MPP7: variants seen among roughly 807,000 people sequenced by gnomAD.
MPP7 encodes the protein MAGUK p55 subfamily member 7.
In MPP7, 60 loss-of-function variants were observed where a neutral mutation model predicts 76.5. That is an observed-to-expected ratio of 0.78 (90% confidence interval 0.64 to 0.97). The LOEUF is 0.97. Ranked by LOEUF, MPP7 falls within the 50% of genes least tolerant of loss-of-function variation. The pLI is 0.00. For missense variants in MPP7, 641 were observed against 694.0 expected, an observed-to-expected ratio of 0.92 and a Z score of 0.86; for synonymous variants, 237 against 244.5, an observed-to-expected ratio of 0.97 and a Z score of 0.29.
chr10:28,229,101 T>C (rs185624189), intron 2 of MPP7, among the ~76,000 whole-genome samples: 2 of 152,298 alleles, frequency 1.3e-5, no homozygotes, highest in East Asian at 3.9e-4. Flanking sequence ...CCAGAATTCA[T>C]GAAATACATG....
rs397969009 is a variant in MPP7, at chr10:28,092,577, C to CTTTTTTTTTTTT, written c.953-2748_953-2737dup. ...GCTTCATAGAACCCAGAAAAGGGAC[C>CTTTTTTTTTTTT]TTTTTTTTTTTTTGAGACAGGGACT... On this transcript the variant is annotated intron_variant, in intron 11 of 16. Transcript: ENST00000683449. Among the ~76,000 whole-genome samples the CTTTTTTTTTTTT allele has an allele frequency of 5.2e-4, 63 of 121,090 alleles. 11 individuals carry two copies. The South Asian group carries it at 0.017, about 33-fold the overall frequency. 79.4% of individuals were successfully genotyped at this position (121,090 alleles called of 152,430 possible).
intron 11 of MPP7, among the ~76,000 whole-genome samples, chr10:28,113,090 C>T (rs1321521175): frequency 2.0e-5 from 3 of 152,204 alleles, no homozygotes; most frequent in Non-Finnish European, 4.4e-5. Flanking sequence ...GTGACCTCTA[C>T]ACCCCACGTG....
At chr10:28,095,795 G>A (rs1206754299) in intron 11 of MPP7, among the ~76,000 whole-genome samples, 2 of 152,124 alleles carry the variant, frequency 1.3e-5, no homozygotes, top group Non-Finnish European at 2.9e-5. Context: ...TTAGAGTAAG[G>A]GAACAGTTTT....
Position 28,120,323 on chromosome 10 carries a change from C to A in MPP7, c.758G>T (p.Gly253Val). The A allele has an allele frequency of 6.2e-7, 1 of 1,613,856 alleles. No individual in the cohort carries two copies. The highest frequency in any genetic ancestry group is 8.5e-7 in the Non-Finnish European group (1 of 1,179,888). The stretch of plus-strand genomic sequence containing the variant: ...AATATCTCCCTTTTTGAAAGAAAGC[C>A]CAGCTTCCTTACATGGAATTGCCTT... ...EDKAIPCKEAGLSFKKGDILQ... is the reference protein window; with the variant it reads ...EDKAIPCKEAVLSFKKGDILQ... Residue 253 changes from glycine (G) to valine (V), a missense_variant, in exon 10 of 17, where the codon GGG becomes GTG. Physicochemically the swap from Gly to Val is moderately radical, Grantham distance 109. Transcript: ENST00000683449.
chr10:28,145,314 AAAGT>A (rs71523596), intron 5 of MPP7, among the ~76,000 whole-genome samples: 20,189 of 152,192 alleles, frequency 0.13, 1,625 homozygotes, highest in East Asian at 0.36. Flanking sequence ...AAATCTTTAA[AAAGT>A]AAGTAACTTC....
In MPP7 at chr10:28,051,457, T is replaced by C. The variant is rs1487795472; in HGVS notation, c.*2608A>G. ...TTTACTTTCACCTTTTTATGTTTGA[T>C]TGACTACAGTCAATAATAGGAGTAC... On this transcript the variant is annotated 3_prime_UTR_variant, in exon 17 of 17. Transcript: ENST00000683449. 1 of 152,210 alleles carries C rather than the reference T, an allele frequency of 6.6e-6. No homozygotes were observed. The highest frequency in any genetic ancestry group is 1.5e-5 in the Non-Finnish European group (1 of 68,028). 9.4% of individuals were successfully genotyped at this position (152,210 alleles called of 1,614,324 possible). A position where few individuals can be genotyped will look rare whatever the true frequency, so the allele number is the denominator to read the frequency against.
chr10:28,146,514 GC>G (rs1446913596), intron 5 of MPP7, among the ~76,000 whole-genome samples: 78 of 150,762 alleles, frequency 5.2e-4, no homozygotes, highest in African/African-American at 1.8e-3. Context: ...CCATTCTCCT[GC>G]CTCAGCCTCC....
rs772017051 is a variant in MPP7, at chr10:28,260,769, CAAA to C, written c.-131-22037_-131-22035del. Among the ~76,000 whole-genome samples, 21 of 68,328 alleles carry C rather than the reference CAAA, an allele frequency of 3.1e-4. 1 individual carries two copies. Among genetic ancestry groups the C allele is most frequent in the African/African-American group, 9.8e-4 (17 of 17,434 alleles). 44.8% of individuals were successfully genotyped at this position (68,328 alleles called of 152,430 possible). A position where few individuals can be genotyped will look rare whatever the true frequency, so the allele number is the denominator to read the frequency against. On this transcript the variant is annotated intron_variant, in intron 1 of 16. Transcript: ENST00000683449. ...CTTGGGTAACAGAGAGACTCCATCT[CAAA>C]AAAAAAAAAAAAAAAAAAAAAATTT...
At chr10:28,313,953 G>A (rs577369696) in intron 2 of MPP7, among the ~76,000 whole-genome samples, 18 of 139,688 alleles carry the variant, frequency 1.3e-4, no homozygotes, top group Non-Finnish European at 2.4e-4. Flanking sequence ...TAGTCCTCCC[G>A]CCTTGGCCTC....
chr10:28,107,695 A>G (rs967998414), intron 11 of MPP7, among the ~76,000 whole-genome samples: 1 of 152,086 alleles, frequency 6.6e-6, no homozygotes, highest in Non-Finnish European at 1.5e-5. Context: ...AAGGTGAAAC[A>G]CTCCATGAAA....
At chr10:28,182,801 G>C (rs1172944671) in intron 3 of MPP7, among the ~76,000 whole-genome samples, 1 of 152,202 alleles carries the variant, frequency 6.6e-6, no homozygotes, top group Non-Finnish European at 1.5e-5. Context: ...AATTGAGCCG[G>C]GTGCAGTGGC....
intron 5 of MPP7, among the ~76,000 whole-genome samples, chr10:28,140,226 TCAGAC>T (rs1835470832): frequency 6.6e-6 from 1 of 151,992 alleles, no homozygotes; most frequent in Non-Finnish European, 1.5e-5. Context: ...AAGAAAAAAA[TCAGAC>T]CAGATGCGAT....
chr10:28,167,262 G>A (rs892361021), intron 3 of MPP7, among the ~76,000 whole-genome samples: 58 of 150,978 alleles, frequency 3.8e-4, no homozygotes, highest in Non-Finnish European at 5.6e-4. Context: ...AGTGAGCCGA[G>A]ACGGCACCAC....
At chr10:28,129,982 C>T (rs1360137592) in intron 6 of MPP7, among the ~76,000 whole-genome samples, 1 of 152,134 alleles carries the variant, frequency 6.6e-6, no homozygotes, top group African/African-American at 2.4e-5. Context: ...GATCTTGCCC[C>T]TTAAGTAATT....
At chr10:28,109,911 C>A (rs1834452261) in intron 11 of MPP7, among the ~76,000 whole-genome samples, 1 of 129,346 alleles carries the variant, frequency 7.7e-6, no homozygotes, top group Non-Finnish European at 1.6e-5. Flanking sequence ...CATAGAACAG[C>A]CCTTGCAATG....
At chr10:28,177,209 G>A (rs2133892323) in intron 3 of MPP7, among the ~76,000 whole-genome samples, 1 of 141,126 alleles carries the variant, frequency 7.1e-6, no homozygotes, top group Non-Finnish European at 1.5e-5. Context: ...GAGGTCATGA[G>A]TTCGAGACCA....
chr10:28,111,175 A>G (rs1834494379), intron 11 of MPP7, among the ~76,000 whole-genome samples: 1 of 152,096 alleles, frequency 6.6e-6, no homozygotes, highest in African/African-American at 2.4e-5. Context: ...AGAAAATGCA[A>G]TTAGAATAGG....
upstream of MPP7, among the ~76,000 whole-genome samples, chr10:28,304,073 G>A (rs1315690647): frequency 2.0e-5 from 3 of 151,942 alleles, no homozygotes; most frequent in East Asian, 5.8e-4. Context: ...GGAATCATCA[G>A]AAAAAAAATA....
At position 28,244,091 on chromosome 10, in the gene MPP7, A is replaced by G. The variant is rs915179324; in HGVS notation, c.-131-5356T>C. On this transcript the variant is annotated intron_variant, in intron 1 of 16. Transcript: ENST00000683449. ...AGGCTTTGTGGTCCGTATGGTCTCA[A>G]CCTAAACAATAGGTACATGAGTATG... Among the ~76,000 whole-genome samples the G allele has an allele frequency of 3.9e-5, 6 of 152,230 alleles. No individual in the cohort carries two copies. The East Asian group carries it at 9.6e-4, about 24-fold the overall frequency.
Sources: gnomAD v4.1 joint callset for allele counts (sites outside exome capture counted in the v4.1 genomes callset) on GRCh38, gnomAD v4.1.1 for gene constraint, MANE v1.5 for transcripts, NCBI Gene and HGNC (gene_info 2026-07-23, HGNC 2026-07-21) for gene names.